The following WWOX variants were observed in gnomAD, a reference collection of about 807,000 sequenced individuals.
WWOX encodes WW domain containing oxidoreductase, also known as WW domain-containing oxidoreductase.
In WWOX, 69 loss-of-function variants were observed where a neutral mutation model predicts 46.2. The observed-to-expected ratio is 1.49, with a 90% CI of 1.23 to 1.82. WWOX has a LOEUF of 1.82. Ranked by LOEUF, WWOX falls within the 40% of genes most tolerant of loss-of-function variation. The pLI is 0.00. For synonymous variants in WWOX, 359 were observed against 202.6 expected (o/e 1.77, Z -6.56); for missense variants, 919 against 542.6 (o/e 1.69, Z -6.89).
intron 8 of WWOX, among the ~76,000 whole-genome samples, chr16:78,594,342 C>G (rs181876799): frequency 1.3e-5 from 2 of 150,164 alleles, no homozygotes; most frequent in East Asian, 3.9e-4. Flanking sequence ...CAGCAAAACC[C>G]AATCCGCTCA....
chr16:78,424,358 G>T (rs1352979710), intron 6 of WWOX, among the ~76,000 whole-genome samples: 1 of 152,048 alleles, frequency 6.6e-6, no homozygotes, highest in Non-Finnish European at 1.5e-5. Flanking sequence ...GACCTAAAAT[G>T]GTCCACCTGC....
intron 5 of WWOX, among the ~76,000 whole-genome samples, chr16:78,385,633 C>G (rs2082045711): frequency 6.6e-6 from 1 of 152,116 alleles, no homozygotes; most frequent in Admixed American, 6.5e-5. Flanking sequence ...ACGTCTCAGC[C>G]CAGCTCCTGT....
intron 8 of WWOX, among the ~76,000 whole-genome samples, chr16:78,602,842 A>T (rs1445130444): frequency 1.3e-5 from 2 of 152,194 alleles, no homozygotes; most frequent in African/African-American, 2.4e-5. Context: ...CAGATAAGAA[A>T]ATTGAGGCTT....
chr16:78,593,051 C>T (rs780910469), intron 8 of WWOX, among the ~76,000 whole-genome samples: 1 of 152,132 alleles, frequency 6.6e-6, no homozygotes, highest in African/African-American at 2.4e-5. Flanking sequence ...ACCAATGTGT[C>T]TAGGCAAATA....
At chr16:78,708,368 T>A (rs943651624) in intron 8 of WWOX, among the ~76,000 whole-genome samples, 3 of 152,202 alleles carry the variant, frequency 2.0e-5, no homozygotes, top group African/African-American at 7.2e-5. Flanking sequence ...TTACTCGGCA[T>A]CCTGTGTTTT....
At chr16:78,724,931 T>G (rs1247647462) in intron 8 of WWOX, among the ~76,000 whole-genome samples, 4 of 152,192 alleles carry the variant, frequency 2.6e-5, no homozygotes, top group African/African-American at 9.7e-5. Flanking sequence ...TGATTCCAGG[T>G]ACGTAGCAGG....
chr16:78,567,328 G>T (rs9923777), intron 8 of WWOX, among the ~76,000 whole-genome samples: 29,383 of 151,610 alleles, frequency 0.19, 3,629 homozygotes, highest in African/African-American at 0.35. Context: ...GGTGGATCAC[G>T]AGGTCAGGAG....
chr16:78,480,102 A>G (rs1172193168), intron 8 of WWOX, among the ~76,000 whole-genome samples: 1 of 152,200 alleles, frequency 6.6e-6, no homozygotes, highest in Non-Finnish European at 1.5e-5. Flanking sequence ...AAGCTTCTGG[A>G]GCTTCACTGT....
chr16:78,247,689 G>A (rs548434012), intron 5 of WWOX, among the ~76,000 whole-genome samples: 1 of 152,302 alleles, frequency 6.6e-6, no homozygotes, highest in East Asian at 1.9e-4. Flanking sequence ...CTTGGGGCAG[G>A]TCAGTCCGTG....
At chr16:78,517,874 TTTTTTA>T (rs1284565464) in intron 8 of WWOX, among the ~76,000 whole-genome samples, 2 of 150,398 alleles carry the variant, frequency 1.3e-5, no homozygotes, top group African/African-American at 4.9e-5. Flanking sequence ...TTTTTTTTTT[TTTTTTA>T]CTCTGAATGT....
intron 8 of WWOX, among the ~76,000 whole-genome samples, chr16:79,128,584 GT>G (rs918347341): frequency 1.8e-4 from 28 of 152,132 alleles, no homozygotes; most frequent in African/African-American, 6.8e-4. Context: ...CTTTATAACG[GT>G]TTGATTTCAG....
rs571475445 is a variant in WWOX, at chr16:79,212,308, G to A, written c.*512G>A. On this transcript the variant is annotated 3_prime_UTR_variant, in exon 9 of 9. Transcript: ENST00000566780. ...GAGCCAGCTTAGCAACTGCTGGGGA[G>A]ACAAATCTCAGAACCTTGTCCCAGC... 1.1e-6 allele frequency: 1 copy of A among 910,798 alleles called. No individual in the cohort carries two copies. The highest frequency in any genetic ancestry group is 1.6e-6 in the Non-Finnish European group (1 of 628,460). The allele number at this position is 910,798 out of a possible 1,614,324, so 56.4% of individuals were successfully genotyped here.
chr16:78,311,824 C>T (rs1483063275), intron 5 of WWOX, among the ~76,000 whole-genome samples: 2 of 152,070 alleles, frequency 1.3e-5, no homozygotes. Context: ...GCTGCCATAA[C>T]AAAGTTCTTC....
At chr16:78,127,901 A>G (rs2151692363) in intron 4 of WWOX, among the ~76,000 whole-genome samples, 1 of 152,340 alleles carries the variant, frequency 6.6e-6, no homozygotes, top group South Asian at 2.1e-4. Context: ...AACTTGGGTG[A>G]CTTAAGGCAA....
chr16:78,561,158 C>G (rs1244352786), intron 8 of WWOX, among the ~76,000 whole-genome samples: 1 of 152,180 alleles, frequency 6.6e-6, no homozygotes, highest in Non-Finnish European at 1.5e-5. Context: ...TGGCTGCCCT[C>G]AGCTCCCAGA....
At position 78,969,740 on chromosome 16, in the gene WWOX, C is replaced by T. The variant is rs967824671; in HGVS notation, c.1057-241868C>T. Among the ~76,000 whole-genome samples the T allele has an allele frequency of 2.0e-5, 3 of 152,080 alleles. No individual in the cohort carries two copies. In the East Asian group the frequency reaches 5.8e-4, roughly 29 times the overall value. On this transcript the variant is annotated intron_variant, in intron 8 of 8. Transcript: ENST00000566780. ...AAAACATTGTACTAATCAAAAAAGC[C>T]AGTCACAAAGGACCCTATGTTATAT...
intron 1 of WWOX, among the ~76,000 whole-genome samples, chr16:78,103,067 T>G (rs2031902377): frequency 6.6e-6 from 1 of 152,112 alleles, no homozygotes; most frequent in Non-Finnish European, 1.5e-5. Context: ...GGGGCTCCCT[T>G]GCTCCTGCGT....
rs548255418 is a variant in WWOX, at chr16:78,974,948, G to A, written c.1057-236660G>A. 5.8e-4 allele frequency among the ~76,000 whole-genome samples: 88 copies of A among 152,224 alleles called. 1 individual carries two copies. The highest frequency in any genetic ancestry group is 1.7e-3 in the East Asian group (9 of 5,174). On this transcript the variant is annotated intron_variant, in intron 8 of 8. Coordinates refer to ENST00000566780, the MANE Select transcript of WWOX (RefSeq NM_016373.4). ...CCTCGGAATTTAATGAGGCCTCTCC[G>A]GACCCAAAGGGAGATGGACATTTCT... is the stretch of plus-strand genomic sequence containing the variant.
intron 8 of WWOX, among the ~76,000 whole-genome samples, chr16:79,073,614 T>G (rs758789789): frequency 1.2e-4 from 18 of 152,194 alleles, no homozygotes; most frequent in Non-Finnish European, 1.8e-4. Context: ...AAATGTCTGT[T>G]CTCCCTTTAT....
Sources: allele counts gnomAD v4.1 joint callset (sites outside exome capture counted in the v4.1 genomes callset), GRCh38; gene constraint gnomAD v4.1.1; transcripts MANE v1.5; gene names NCBI Gene and HGNC (gene_info 2026-07-23, HGNC 2026-07-21).